Variants in PHACTR4 observed in about 807,000 individuals in gnomAD.
PHACTR4 encodes the protein phosphatase and actin regulator 4.
In PHACTR4, 51 loss-of-function variants were observed where a neutral mutation model predicts 72.7. That is an observed-to-expected ratio of 0.70 (90% CI 0.56 to 0.89). The LOEUF (loss-of-function observed/expected upper bound fraction) is 0.89. Ranked by LOEUF, PHACTR4 falls within the 40% of genes least tolerant of loss-of-function variation. PHACTR4 has a pLI of 0.00. For synonymous variants in PHACTR4, 255 were observed against 302.5 expected, an observed-to-expected ratio of 0.84 and a Z score of 1.63; for missense variants, 731 against 861.8, an observed-to-expected ratio of 0.85 and a Z score of 1.90.
chr1:28,458,601 G>A (rs1182873459), intron 2 of PHACTR4, among the ~76,000 whole-genome samples: 1 of 152,086 alleles, frequency 6.6e-6, no homozygotes, highest in Non-Finnish European at 1.5e-5. Flanking sequence ...TTTTGTGAAG[G>A]GAGAAAATAA....
chr1:28,473,744 C>T lies in PHACTR4; in HGVS notation c.1014C>T (p.Ile338=). 1 of 1,614,060 alleles carries T rather than the reference C, an allele frequency of 6.2e-7. No homozygotes were observed. Among genetic ancestry groups the T allele is most frequent in the Non-Finnish European group, 8.5e-7 (1 of 1,180,000 alleles). Residue 338 remains isoleucine (I), a synonymous_variant, in exon 7 of 14, where the codon ATC becomes ATT. Coordinates refer to ENST00000373839, the MANE Select transcript of PHACTR4 (RefSeq NM_001048183.3). ...TGGGCTCGGAACTACTACCAATGAT[C>T]TCACCTCGCTCTCCGTCCCCCCCAC... ...CSMGSELLPM[I]SPRSPSPPLP...
At chr1:28,417,489 A>G (rs971496156) in intron 2 of PHACTR4, among the ~76,000 whole-genome samples, 4 of 152,232 alleles carry the variant, frequency 2.6e-5, no homozygotes, top group African/African-American at 7.2e-5. Context: ...GGCAACTGAG[A>G]TGGCTGCTAA....
chr1:28,417,961 A>G, intron 2 of PHACTR4, among the ~76,000 whole-genome samples: 1 of 151,674 alleles, frequency 6.6e-6, no homozygotes, highest in Non-Finnish European at 1.5e-5. Flanking sequence ...AAAAAAAAAA[A>G]AAAAAGACAC....
chr1:28,484,512 GTGTA>G (rs920215809), intron 9 of PHACTR4, among the ~76,000 whole-genome samples: 27 of 147,632 alleles, frequency 1.8e-4, no homozygotes, highest in African/African-American at 7.2e-4. Context: ...ATATATATGT[GTGTA>G]TGTGTATATA....
chr1:28,417,609 T>G (rs923435885), intron 2 of PHACTR4, among the ~76,000 whole-genome samples: 4 of 152,130 alleles, frequency 2.6e-5, no homozygotes, highest in Non-Finnish European at 5.9e-5. Flanking sequence ...ATCATGATAC[T>G]CAGAGTGGCA....
intron 4 of PHACTR4, 40 bp downstream of exon 4, chr1:28,460,332 A>C (rs1352711939): frequency 3.5e-6 from 5 of 1,416,848 alleles, no homozygotes; most frequent in African/African-American, 1.4e-5. Context: ...GTCTCTGTGC[A>C]CTTGGTCTTT....
chr1:28,446,425 T>G (rs1370481936), intron 2 of PHACTR4, among the ~76,000 whole-genome samples: 3 of 152,174 alleles, frequency 2.0e-5, no homozygotes, highest in Non-Finnish European at 4.4e-5. Context: ...CACGAATGGT[T>G]TAACACCATC....
At chr1:28,449,540 T>C (rs1259309435) in intron 2 of PHACTR4, among the ~76,000 whole-genome samples, 1 of 152,056 alleles carries the variant, frequency 6.6e-6, no homozygotes, top group African/African-American at 2.4e-5. Context: ...TTTATAAATA[T>C]CATACATTTA....
intron 1 of PHACTR4, among the ~76,000 whole-genome samples, chr1:28,370,621 A>C (rs564255572): frequency 2.0e-5 from 3 of 151,952 alleles, no homozygotes; most frequent in African/African-American, 7.2e-5. Context: ...CAAAAAAAAA[A>C]AACCCTCCAG....
chr1:28,496,564 A>G lies in PHACTR4; in HGVS notation c.*15A>G. On this transcript the variant is annotated 3_prime_UTR_variant, in exon 14 of 14. Transcript: ENST00000373839. Reference sequence around the variant, plus strand: ...ATCGTCCATGATGCCAAAGGTTGAGAGAGGAATCAACATGGCTGCTTTGCT... The same window carrying G: ...ATCGTCCATGATGCCAAAGGTTGAGGGAGGAATCAACATGGCTGCTTTGCT... The G allele has an allele frequency of 6.2e-7, 1 of 1,613,706 alleles. No individual in the cohort carries two copies.
chr1:28,452,092 C>T (rs1658018059), intron 2 of PHACTR4, among the ~76,000 whole-genome samples: 1 of 152,134 alleles, frequency 6.6e-6, no homozygotes, highest in African/African-American at 2.4e-5. Flanking sequence ...CTCTTAGAAT[C>T]CAGATTACAG....
chr1:28,417,623 G>A (rs1019310716), intron 2 of PHACTR4, among the ~76,000 whole-genome samples: 1 of 152,076 alleles, frequency 6.6e-6, no homozygotes, highest in South Asian at 2.1e-4. Context: ...AGTGGCACAT[G>A]ATTTAAAACT....
rs1054105118 is a variant in PHACTR4 at position 28,487,724 on chromosome 1, G to GTTTTTT, written c.1761-1444_1761-1443insTTTTTT. On this transcript the variant is annotated intron_variant, in intron 9 of 13. Transcript: ENST00000373839. ...CAAAAATGACAAATTGTAGTTTTTT[G>GTTTTTT]TTGTTTTTTTTTTTTTTTTTTTTTT... is the stretch of plus-strand genomic sequence containing the variant. Among the ~76,000 whole-genome samples the GTTTTTT allele has an allele frequency of 9.2e-4, 66 of 71,456 alleles. 5 individuals are homozygous for GTTTTTT. The highest frequency in any genetic ancestry group is 2.7e-3 in the African/African-American group (48 of 17,626). The allele number at this position is 71,456 out of a possible 152,430, so 46.9% of individuals were successfully genotyped here.
At chr1:28,445,051 G>C (rs999593604) in intron 2 of PHACTR4, among the ~76,000 whole-genome samples, 1 of 151,596 alleles carries the variant, frequency 6.6e-6, no homozygotes, top group Non-Finnish European at 1.5e-5. Context: ...CACCTCTCGG[G>C]TTCAAGCAAT....
intron 2 of PHACTR4, among the ~76,000 whole-genome samples, chr1:28,424,835 C>T (rs1444193706): frequency 1.3e-5 from 2 of 151,536 alleles, no homozygotes; most frequent in Non-Finnish European, 2.9e-5. Context: ...GTTCTGTCGC[C>T]CAGCTTGGAA....
In PHACTR4 at chr1:28,453,627, T is replaced by C. The variant is rs557036468; in HGVS notation, c.17-5458T>C. The C allele has an allele frequency of 4.4e-5, 55 of 1,249,752 alleles. No individual in the cohort carries two copies. The South Asian group carries it at 6.1e-4, about 14-fold the overall frequency. 77.4% of individuals were successfully genotyped at this position (1,249,752 alleles called of 1,614,324 possible). A position where few individuals can be genotyped will look rare whatever the true frequency, so the allele number is the denominator to read the frequency against. The stretch of plus-strand genomic sequence containing the variant: ...ACCTTCTACAGTGAGGTGAAACAAA[T>C]AGAGAAGAGAGACTCGGTTCTAACA... On this transcript the variant is annotated intron_variant, in intron 2 of 13. Coordinates refer to ENST00000373839, the MANE Select transcript of PHACTR4 (RefSeq NM_001048183.3).
chr1:28,459,111 C>T lies in PHACTR4; in HGVS notation c.43C>T (p.Pro15Ser). Residue 15 changes from proline to serine, a missense_variant, in exon 3 of 14, where the codon CCA becomes TCA. Around this residue, in one of 2 missense-constraint regions of PHACTR4, gnomAD observed 621 missense variants for 676.6 expected, o/e 0.92. Coordinates refer to ENST00000373839, the MANE Select transcript of PHACTR4 (RefSeq NM_001048183.3). ...GGAAGCAGACCAGCCCACTACAGAG[C>T]CAGGCATGGTCCTGGACAGTGTGGA... ...FEEADQPTTEPGMVLDSVEAG... is the reference protein window; with the variant it reads ...FEEADQPTTESGMVLDSVEAG... The T allele has an allele frequency of 6.2e-7, 1 of 1,612,784 alleles. No homozygotes were observed. Among genetic ancestry groups the T allele is most frequent in the African/African-American group, 1.3e-5 (1 of 74,938 alleles).
chr1:28,495,880 G>C (rs981229416), intron 13 of PHACTR4, among the ~76,000 whole-genome samples: 4 of 152,000 alleles, frequency 2.6e-5, no homozygotes, highest in Admixed American at 2.0e-4. Context: ...GCCTCCCAAA[G>C]TGTTGGGATT....
chr1:28,466,950 C>G (rs559521565), intron 6 of PHACTR4, 182 bp downstream of exon 6: 4 of 842,884 alleles, frequency 4.7e-6, no homozygotes, highest in Admixed American at 6.1e-5. Context: ...TGCGGTGGCT[C>G]ACGCCTGTAA....
Sources: allele counts gnomAD v4.1 joint callset (sites outside exome capture counted in the v4.1 genomes callset), GRCh38; gene constraint gnomAD v4.1.1; regional missense constraint gnomAD v4.1.1; transcripts MANE v1.5; gene names NCBI Gene and HGNC (gene_info 2026-07-23, HGNC 2026-07-21).